Variants in ZNF93 observed in about 807,000 individuals in gnomAD.
ZNF93 encodes zinc finger protein 93, also known as zinc finger protein 505.
In ZNF93, 29 loss-of-function variants were observed where a neutral mutation model predicts 45.0. The observed-to-expected ratio is 0.64, with a 90% CI of 0.48 to 0.88. The LOEUF is 0.88. Ranked by LOEUF, ZNF93 falls within the 40% of genes least tolerant of loss-of-function variation. The pLI, the probability that ZNF93 is intolerant of heterozygous loss-of-function variation, is 0.00. For synonymous variants in ZNF93, 223 were observed against 244.6 expected, an observed-to-expected ratio of 0.91 and a Z score of 0.82; for missense variants, 578 against 724.0, an observed-to-expected ratio of 0.80 and a Z score of 2.31.
chr19:19,934,756 G>C lies in ZNF93; in HGVS notation c.1801G>C (p.Ala601Pro), dbSNP rs1441636259. 6.2e-7 allele frequency: 1 copy of C among 1,610,098 alleles called. No individual in the cohort carries two copies. The highest frequency in any genetic ancestry group is 8.5e-7 in the Non-Finnish European group (1 of 1,178,228). Residue 601 changes from alanine to proline, a missense_variant, in exon 4 of 4, where the codon GCC (alanine) becomes CCC (proline). Physicochemically the swap from Ala to Pro is conservative, Grantham distance 27. Around this residue, in one of 3 missense-constraint regions of ZNF93, gnomAD observed 119 missense variants for 123.1 expected, o/e 0.97. Coordinates refer to ENST00000343769, the MANE Select transcript of ZNF93 (RefSeq NM_031218.4). ...ATACGAGTGTGATAAATGTGGCAAA[G>C]CCTTTATTTCACCCTCAAGCCTTAG... ...KPYECDKCGK[A>P]FISPSSLSRH...
intron 3 of ZNF93, among the ~76,000 whole-genome samples, chr19:19,927,740 A>G (rs2063360498): frequency 6.6e-6 from 1 of 152,154 alleles, no homozygotes; most frequent in Admixed American, 6.5e-5. Flanking sequence ...GCTTCAGCCT[A>G]TTGGCTTTTG....
chr19:19,929,980 G>A lies in ZNF93; in HGVS notation c.227-3202G>A, dbSNP rs937625180. On this transcript the variant is annotated intron_variant, in intron 3 of 3. Coordinates refer to ENST00000343769, the MANE Select transcript of ZNF93 (RefSeq NM_031218.4). ...AAAAAAAAGAGATTGTAGAAATAAA[G>A]ACACAAGACAAAGAGATAAAAGACA... Among the ~76,000 whole-genome samples, 816 of 129,070 alleles carry A rather than the reference G, an allele frequency of 6.3e-3. 8 individuals are homozygous for A. The highest frequency in any genetic ancestry group is 0.016 in the Middle Eastern group (4 of 254). 84.7% of individuals were successfully genotyped at this position (129,070 alleles called of 152,430 possible). A position where few individuals can be genotyped will look rare whatever the true frequency, so the allele number is the denominator to read the frequency against.
intron 3 of ZNF93, among the ~76,000 whole-genome samples, chr19:19,920,629 A>T (rs569631003): frequency 1.8e-4 from 28 of 152,178 alleles, no homozygotes; most frequent in African/African-American, 6.7e-4. Flanking sequence ...AGAGCCTGTT[A>T]TTGGTCTATT....
At chr19:19,924,979 G>A (rs546672593) in intron 3 of ZNF93, among the ~76,000 whole-genome samples, 6 of 152,302 alleles carry the variant, frequency 3.9e-5, no homozygotes, top group East Asian at 1.9e-4. Flanking sequence ...TTCAGGGAAC[G>A]CAGTAAAAGC....
In ZNF93 at chr19:19,906,292, A is replaced by C. The variant is rs181397515; in HGVS notation, c.3+5201A>C. ...TAATTTCTGTAATGATTAGTGATGA[A>C]CTTTTTTTTCATATGCTTGTTAGTC... On this transcript the variant is annotated intron_variant, in intron 1 of 3. Transcript: ENST00000343769. 1.1e-4 allele frequency among the ~76,000 whole-genome samples: 16 copies of C among 148,168 alleles called. No homozygotes were observed. In the East Asian group the frequency reaches 3.1e-3, roughly 29 times the overall value.
chr19:19,930,541 C>T (rs2063370532), intron 3 of ZNF93, among the ~76,000 whole-genome samples: 2 of 140,254 alleles, frequency 1.4e-5, no homozygotes, highest in South Asian at 2.3e-4. Flanking sequence ...ACTGCTAGAC[C>T]GCGGTCTGCT....
At chr19:19,907,284 G>A (rs2063295736) in intron 1 of ZNF93, among the ~76,000 whole-genome samples, 1 of 151,976 alleles carries the variant, frequency 6.6e-6, no homozygotes, top group African/African-American at 2.4e-5. Context: ...CACAAAAATA[G>A]GATTAAATTT....
At chr19:19,918,951 T>G (rs978559271) in intron 3 of ZNF93, among the ~76,000 whole-genome samples, 3 of 152,298 alleles carry the variant, frequency 2.0e-5, no homozygotes, top group South Asian at 2.1e-4. Flanking sequence ...AGAAGCTCTT[T>G]AGTTTAATTA....
At chr19:19,926,597 C>G (rs775956983) in intron 3 of ZNF93, among the ~76,000 whole-genome samples, 9 of 151,106 alleles carry the variant, frequency 6.0e-5, no homozygotes, top group African/African-American at 1.2e-4. Context: ...GATTGTGGTT[C>G]GTGCCTCAGC....
Position 19,901,075 on chromosome 19 carries a change from C to T in ZNF93, c.-14C>T. 3 of 1,613,396 alleles carry T rather than the reference C, an allele frequency of 1.9e-6. No individual in the cohort carries two copies. Among genetic ancestry groups the T allele is most frequent in the Non-Finnish European group, 2.5e-6 (3 of 1,179,588 alleles). On this transcript the variant is annotated 5_prime_UTR_variant, in exon 1 of 4. Transcript: ENST00000343769. Reference sequence around the variant, plus strand: ...ATCCACAGCTAAGACACCAGGACCCCTGGAAGCCTAGAAATGGTGAGAGTG... The same window carrying T: ...ATCCACAGCTAAGACACCAGGACCCTTGGAAGCCTAGAAATGGTGAGAGTG...
intron 3 of ZNF93, among the ~76,000 whole-genome samples, chr19:19,923,226 G>A (rs2063346663): frequency 6.6e-6 from 1 of 152,148 alleles, no homozygotes; most frequent in South Asian, 2.1e-4. Context: ...CTGGGTATCA[G>A]CAGCGGAGGC....
chr19:19,934,319 G>T lies in ZNF93; in HGVS notation c.1364G>T (p.Cys455Phe). 6.2e-7 allele frequency: 1 copy of T among 1,613,540 alleles called. No individual in the cohort carries two copies. Among genetic ancestry groups the T allele is most frequent in the East Asian group, 2.2e-5 (1 of 44,776 alleles). ...CATACTGGAAAGAAACCCTACAAGT[G>T]TGAAGAATGTGGCAAAGCTTTTAAC... ...IIHTGKKPYKCEECGKAFNQS... is the reference protein window; with the variant it reads ...IIHTGKKPYKFEECGKAFNQS... The change falls in exon 4 of 4, where the codon TGT (cysteine) becomes TTT (phenylalanine). Residue 455 changes from cysteine (C) to phenylalanine (F), a missense_variant. By Grantham distance (205) the Cys-to-Phe change is radical (BLOSUM62 -2). Transcript: ENST00000343769.
At chr19:19,923,315 G>A (rs988553263) in intron 3 of ZNF93, among the ~76,000 whole-genome samples, 35 of 152,134 alleles carry the variant, frequency 2.3e-4, no homozygotes, top group Admixed American at 4.6e-4. Context: ...TCTCAGAGGG[G>A]TACCCGGCCG....
At chr19:19,918,211 T>C (rs1282453911) in intron 3 of ZNF93, among the ~76,000 whole-genome samples, 7 of 152,162 alleles carry the variant, frequency 4.6e-5, no homozygotes. Flanking sequence ...TTTGGTTTTT[T>C]GTCCTTGCGA....
At chr19:19,919,627 G>C (rs1041379520) in intron 3 of ZNF93, among the ~76,000 whole-genome samples, 2 of 151,984 alleles carry the variant, frequency 1.3e-5, no homozygotes, top group African/African-American at 4.8e-5. Flanking sequence ...CTTTTATTTT[G>C]TTGAGCAGTG....
chr19:19,902,197 G>C (rs2063274806), intron 1 of ZNF93, among the ~76,000 whole-genome samples: 1 of 152,102 alleles, frequency 6.6e-6, no homozygotes, highest in Admixed American at 6.5e-5. Context: ...GAATAACTCT[G>C]ACATGACAAA....
At chr19:19,912,560 C>T (rs992612376) in intron 1 of ZNF93, among the ~76,000 whole-genome samples, 5 of 152,160 alleles carry the variant, frequency 3.3e-5, no homozygotes, top group African/African-American at 1.2e-4. Flanking sequence ...TATTTAGCAA[C>T]TTGTTTTCTA....
intron 3 of ZNF93, among the ~76,000 whole-genome samples, chr19:19,924,507 G>A (rs1179506285): frequency 6.6e-6 from 1 of 152,094 alleles, no homozygotes; most frequent in African/African-American, 2.4e-5. Flanking sequence ...ATATGATGGA[G>A]CAAACACCTC....
At chr19:19,905,624 C>T (rs1369212504) in intron 1 of ZNF93, among the ~76,000 whole-genome samples, 2 of 152,114 alleles carry the variant, frequency 1.3e-5, no homozygotes, top group African/African-American at 2.4e-5. Context: ...TTTGGTCTCA[C>T]TTATGGCCCA....
Sources: allele counts gnomAD v4.1 joint callset (sites outside exome capture counted in the v4.1 genomes callset), GRCh38; gene constraint gnomAD v4.1.1; regional missense constraint gnomAD v4.1.1; transcripts MANE v1.5; gene names NCBI Gene and HGNC (gene_info 2026-07-23, HGNC 2026-07-21).